ITFG1: variants seen among roughly 807,000 people sequenced by gnomAD.
ITFG1 encodes the protein integrin alpha FG-GAP repeat containing 1.
In ITFG1, 34 loss-of-function variants were observed where a neutral mutation model predicts 81.8. That is an observed-to-expected ratio of 0.42 (90% CI 0.32 to 0.55). The LOEUF (loss-of-function observed/expected upper bound fraction) is 0.55. ITFG1 is among the 20% of genes least tolerant of loss of function. ITFG1 has a pLI of 0.17. For synonymous variants in ITFG1, 285 were observed against 270.6 expected, an observed-to-expected ratio of 1.05 and a Z score of -0.52; for missense variants, 672 against 755.4, an observed-to-expected ratio of 0.89 and a Z score of 1.29.
At chr16:47,420,873 G>C (rs1402851771) in intron 6 of ITFG1, among the ~76,000 whole-genome samples, 1 of 152,022 alleles carries the variant, frequency 6.6e-6, no homozygotes, top group East Asian at 1.9e-4. Flanking sequence ...CAACACAAAT[G>C]GATTAAGACA....
At chr16:47,343,665 T>C (rs1398419066) in intron 8 of ITFG1, among the ~76,000 whole-genome samples, 4 of 152,054 alleles carry the variant, frequency 2.6e-5, no homozygotes, top group Admixed American at 2.6e-4. Flanking sequence ...CCACTTCACA[T>C]CTACTAGGAA....
chr16:47,313,601 T>C (rs1431621055), intron 9 of ITFG1, 128 bp downstream of exon 9: 1 of 412,836 alleles, frequency 2.4e-6, no homozygotes, highest in Non-Finnish European at 4.3e-6. Context: ...TAAGTTAAAA[T>C]GAGGAAGTCG....
chr16:47,430,420 T>C (rs1286966074), intron 5 of ITFG1, among the ~76,000 whole-genome samples: 3 of 152,132 alleles, frequency 2.0e-5, no homozygotes, highest in Non-Finnish European at 2.9e-5. Flanking sequence ...GTCCAATATA[T>C]CAATTTTTCA....
intron 6 of ITFG1, chr16:47,426,409 A>C (rs538745584): frequency 6.6e-6 from 1 of 151,630 alleles, no homozygotes; most frequent in East Asian, 1.9e-4. Context: ...AATAAGATTA[A>C]AAAAATGAAC....
At chr16:47,276,250 A>G (rs2151548250) in intron 10 of ITFG1, among the ~76,000 whole-genome samples, 1 of 152,256 alleles carries the variant, frequency 6.6e-6, no homozygotes, top group East Asian at 1.9e-4. Flanking sequence ...AATTTCAATA[A>G]TAGTCATTAG....
chr16:47,315,134 G>A (rs1328652666), intron 8 of ITFG1, among the ~76,000 whole-genome samples: 2 of 151,920 alleles, frequency 1.3e-5, no homozygotes, highest in African/African-American at 2.4e-5. Flanking sequence ...TGCCTTAGAG[G>A]AGTGCAACAT....
At chr16:47,301,025 C>A (rs1967067485) in intron 10 of ITFG1, among the ~76,000 whole-genome samples, 1 of 152,100 alleles carries the variant, frequency 6.6e-6, no homozygotes, top group Admixed American at 6.6e-5. Context: ...TTCCTTTCAG[C>A]CCTAAAAGCC....
chr16:47,435,492 T>C (rs1969154775), intron 5 of ITFG1, among the ~76,000 whole-genome samples: 1 of 152,226 alleles, frequency 6.6e-6, no homozygotes, highest in South Asian at 2.1e-4. Context: ...GTTTTCTAAT[T>C]TGTGGGCATC....
chr16:47,160,720 G>T (rs994082806), intron 16 of ITFG1, among the ~76,000 whole-genome samples: 5 of 152,086 alleles, frequency 3.3e-5, no homozygotes, highest in Admixed American at 2.6e-4. Flanking sequence ...TGCATCTGCT[G>T]GTATGCTGGT....
intron 10 of ITFG1, among the ~76,000 whole-genome samples, chr16:47,286,640 CA>C (rs879832193): frequency 2.2e-3 from 293 of 131,192 alleles, no homozygotes; most frequent in Middle Eastern, 3.8e-3. Flanking sequence ...AACCCTGCCT[CA>C]AAAAAAAAAA....
chr16:47,243,237 T>C (rs905086851), intron 12 of ITFG1, among the ~76,000 whole-genome samples: 2 of 152,136 alleles, frequency 1.3e-5, no homozygotes, highest in Admixed American at 6.5e-5. Flanking sequence ...TACATATATA[T>C]ACATATATGC....
intron 14 of ITFG1, among the ~76,000 whole-genome samples, chr16:47,192,337 C>T (rs751026381): frequency 5.3e-5 from 8 of 152,130 alleles, no homozygotes; most frequent in Non-Finnish European, 1.0e-4. Flanking sequence ...ATGTCAGAGA[C>T]GAAAACATCA....
At chr16:47,284,523 AC>A (rs1966862870) in intron 10 of ITFG1, among the ~76,000 whole-genome samples, 2 of 152,314 alleles carry the variant, frequency 1.3e-5, no homozygotes, top group African/African-American at 4.8e-5. Context: ...CATCATCTAA[AC>A]AGTGATAGAT....
intron 10 of ITFG1, among the ~76,000 whole-genome samples, chr16:47,301,460 C>T (rs1452044738): frequency 4.0e-5 from 6 of 150,836 alleles, no homozygotes; most frequent in African/African-American, 7.3e-5. Flanking sequence ...TGCAATGGCA[C>T]GATTCAGCTC....
chr16:47,206,000 C>T (rs541486295), intron 14 of ITFG1, among the ~76,000 whole-genome samples: 2 of 152,018 alleles, frequency 1.3e-5, no homozygotes, highest in East Asian at 1.9e-4. Context: ...TGAGTAGCTG[C>T]GACTACAGGC....
chr16:47,278,144 T>C (rs1307566163), intron 10 of ITFG1, among the ~76,000 whole-genome samples: 1 of 152,214 alleles, frequency 6.6e-6, no homozygotes, highest in African/African-American at 2.4e-5. Context: ...CCAGTCTTTA[T>C]TTAAAGCAGT....
intron 17 of ITFG1, among the ~76,000 whole-genome samples, chr16:47,157,974 T>C (rs1964741161): frequency 6.6e-6 from 1 of 152,238 alleles, no homozygotes; most frequent in African/African-American, 2.4e-5. Context: ...TCTTTTTTCT[T>C]TGCATAAAAA....
rs1966982308 is a variant in ITFG1 at position 47,296,408 on chromosome 16, T to C, written c.1070+14832A>G. Among the ~76,000 whole-genome samples, 3 of 152,206 alleles carry C rather than the reference T, an allele frequency of 2.0e-5. No individual in the cohort carries two copies. The South Asian group carries it at 6.2e-4, about 32-fold the overall frequency. ...TTGATCCAAAGACTGTTCAGGAGTG[T>C]GTTGTCAACTCTGTCTATTTATACA... On this transcript the variant is annotated intron_variant, in intron 10 of 17. Transcript: ENST00000320640.
chr16:47,434,043 C>G (rs1218151377), intron 5 of ITFG1, among the ~76,000 whole-genome samples: 1 of 150,650 alleles, frequency 6.6e-6, no homozygotes, highest in Non-Finnish European at 1.5e-5. Flanking sequence ...CCTTACACCA[C>G]ATACAAAAAT....
Sources: allele counts gnomAD v4.1 joint callset (sites outside exome capture counted in the v4.1 genomes callset), GRCh38; gene constraint gnomAD v4.1.1; transcripts MANE v1.5; gene names NCBI Gene and HGNC (gene_info 2026-07-23, HGNC 2026-07-21).